Variants in CCDC125 observed in about 807,000 individuals in gnomAD.
CCDC125 encodes coiled-coil domain containing 125, also known as coiled-coil domain-containing protein 125.
Under a neutral mutation model 57.4 loss-of-function variants are expected in CCDC125, and 43 were observed. The observed-to-expected ratio is 0.75, with a 90% CI of 0.59 to 0.97. CCDC125 has a LOEUF of 0.97. Among genes scored for constraint, CCDC125 ranks in the 50% least tolerant of loss-of-function variants. The pLI is 0.00. For synonymous variants in CCDC125, 187 were observed against 195.2 expected (o/e 0.96, Z 0.35); for missense variants, 563 against 595.7 (o/e 0.95, Z 0.57).
At chr5:69,294,369 G>A (rs1216553987) in intron 9 of CCDC125, among the ~76,000 whole-genome samples, 2 of 151,632 alleles carry the variant, frequency 1.3e-5, no homozygotes, top group African/African-American at 2.4e-5. Flanking sequence ...GTGCAGTGGT[G>A]TAATCTCGGC....
chr5:69,306,034 C>G (rs1335800423), intron 6 of CCDC125, among the ~76,000 whole-genome samples: 1 of 151,772 alleles, frequency 6.6e-6, no homozygotes, highest in African/African-American at 2.4e-5. Flanking sequence ...TATTTTTTCT[C>G]TTTTTGGAGC....
intron 10 of CCDC125, among the ~76,000 whole-genome samples, chr5:69,290,761 C>G (rs1198753532): frequency 6.6e-6 from 1 of 151,304 alleles, no homozygotes; most frequent in African/African-American, 2.4e-5. Context: ...TCCCAAGTAG[C>G]TGGGACTACA....
At chr5:69,279,165 G>A (rs1289357359), downstream of CCDC125, among the ~76,000 whole-genome samples, 1 of 149,098 alleles carries the variant, frequency 6.7e-6, no homozygotes, top group Admixed American at 6.7e-5. Context: ...GGAGGCCCCT[G>A]GAAAGAATCT....
Position 69,303,839 on chromosome 5 carries a change from A to G in CCDC125, c.700+8T>C, listed in dbSNP as rs759227193. ...TACATGTGCTCTTAATACAAAAATCATCATTACCTGCATTGTCAGACTTCA... is the reference window on the plus strand; with the variant it reads ...TACATGTGCTCTTAATACAAAAATCGTCATTACCTGCATTGTCAGACTTCA... On this transcript the variant is annotated splice_region_variant and intron_variant, in intron 7 of 11. Transcript: ENST00000396496. 3.3e-6 allele frequency: 5 copies of G among 1,533,578 alleles called. No individual in the cohort carries two copies. The highest frequency in any genetic ancestry group is 4.5e-6 in the Non-Finnish European group (5 of 1,116,570). The allele number at this position is 1,533,578 out of a possible 1,614,324, so 95.0% of individuals were successfully genotyped here. A position where few individuals can be genotyped will look rare whatever the true frequency, so the allele number is the denominator to read the frequency against.
chr5:69,287,226 C>T (rs943175413), intron 10 of CCDC125, among the ~76,000 whole-genome samples: 2 of 151,258 alleles, frequency 1.3e-5, no homozygotes, highest in Non-Finnish European at 2.9e-5. Flanking sequence ...ACTACTCAAA[C>T]TTGTATAGAT....
intron 1 of CCDC125, among the ~76,000 whole-genome samples, chr5:69,332,125 G>A (rs938818500): frequency 6.6e-6 from 1 of 152,210 alleles, no homozygotes; most frequent in Admixed American, 6.5e-5. Context: ...TGACAAAGAG[G>A]AACTAACTTG....
chr5:69,313,429 G>A lies in CCDC125; in HGVS notation c.366+556C>T, dbSNP rs537555768. ...ACTGCCCCCCAGCTTCTCTGCCAGG[G>A]TGCAGTGGTCCTTGACCTCCTCATA... On this transcript the variant is annotated intron_variant, in intron 3 of 11. Transcript: ENST00000396496. 7 of 1,513,254 alleles carry A rather than the reference G, an allele frequency of 4.6e-6. No individual in the cohort carries two copies. In the South Asian group the frequency reaches 7.9e-5, roughly 17 times the overall value. 93.7% of individuals were successfully genotyped at this position (1,513,254 alleles called of 1,614,324 possible).
intron 10 of CCDC125, among the ~76,000 whole-genome samples, chr5:69,287,491 G>A (rs940782438): frequency 6.6e-6 from 1 of 151,814 alleles, no homozygotes; most frequent in East Asian, 1.9e-4. Flanking sequence ...TCAAATTCCC[G>A]ACCTCAAGTG....
intron 1 of CCDC125, among the ~76,000 whole-genome samples, chr5:69,331,405 G>C (rs1308891710): frequency 6.6e-6 from 1 of 150,990 alleles, no homozygotes; most frequent in Admixed American, 6.6e-5. Context: ...GCTAATATTT[G>C]TATTTTTGTA....
At chr5:69,285,110 AAAAAC>A (rs1330012287) in intron 11 of CCDC125, among the ~76,000 whole-genome samples, 1 of 138,026 alleles carries the variant, frequency 7.2e-6, no homozygotes, top group African/African-American at 2.6e-5. Flanking sequence ...AAACAAACAA[AAAAAC>A]CAAAAAACAA....
chr5:69,277,957 C>G (rs1217927308), downstream of CCDC125, among the ~76,000 whole-genome samples: 8 of 152,208 alleles, frequency 5.3e-5, no homozygotes. Flanking sequence ...ACAATCCCAG[C>G]TCACTGCAAA....
chr5:69,276,734 C>G (rs1258934357), downstream of CCDC125: 1 of 1,532,008 alleles, frequency 6.5e-7, no homozygotes, highest in Non-Finnish European at 9.0e-7. Context: ...ATTTAGAAAA[C>G]TCCAAATAGC....
At chr5:69,291,366 ATT>A (rs796227961) in intron 10 of CCDC125, among the ~76,000 whole-genome samples, 1 of 145,790 alleles carries the variant, frequency 6.9e-6, no homozygotes. Flanking sequence ...AATACTGATC[ATT>A]TTTTTTTTTT....
chr5:69,304,512 G>A (rs1234049635), intron 6 of CCDC125, among the ~76,000 whole-genome samples: 2 of 144,952 alleles, frequency 1.4e-5, no homozygotes, highest in Admixed American at 7.1e-5. Flanking sequence ...TGCAACCTCC[G>A]CCTCCCAGGT....
At chr5:69,302,551 C>T (rs1206479533) in intron 7 of CCDC125, among the ~76,000 whole-genome samples, 2 of 151,094 alleles carry the variant, frequency 1.3e-5, no homozygotes, top group East Asian at 3.9e-4. Flanking sequence ...TGGTGAAACC[C>T]CTGTCTCTAC....
At chr5:69,273,491 C>T in the CCDC125 span, among the ~76,000 whole-genome samples, 1 of 152,062 alleles carries the variant, frequency 6.6e-6, no homozygotes, top group African/African-American at 2.4e-5. Context: ...TGATCATTCT[C>T]ACATTGAGAA....
At chr5:69,277,123 A>G (rs1176402526), downstream of CCDC125, 38 of 1,599,716 alleles carry the variant, frequency 2.4e-5, no homozygotes, top group Admixed American at 3.5e-5. Context: ...TGCCCAAGAA[A>G]CTAATTTTTT....
intron 11 of CCDC125, among the ~76,000 whole-genome samples, chr5:69,285,064 T>A (rs1318039815): frequency 2.0e-5 from 3 of 151,898 alleles, no homozygotes; most frequent in African/African-American, 7.3e-5. Flanking sequence ...GCCGCTGCAC[T>A]CCAGCCTGGG....
At chr5:69,330,319 G>A (rs921920091) in intron 1 of CCDC125, among the ~76,000 whole-genome samples, 1 of 152,102 alleles carries the variant, frequency 6.6e-6, no homozygotes, top group South Asian at 2.1e-4. Context: ...ATTCACCGCC[G>A]GGCACGGTGG....
Sources: allele counts gnomAD v4.1 joint callset (sites outside exome capture counted in the v4.1 genomes callset), GRCh38; gene constraint gnomAD v4.1.1; transcripts MANE v1.5; gene names NCBI Gene and HGNC (gene_info 2026-07-23, HGNC 2026-07-21).